The following SPIDR variants were observed in gnomAD, a reference collection of about 807,000 sequenced individuals.
SPIDR encodes scaffold protein involved in DNA repair.
Under a neutral mutation model 104.6 loss-of-function variants are expected in SPIDR, and 93 were observed. The observed-to-expected ratio is 0.89, with a 90% CI of 0.75 to 1.06. The LOEUF is 1.06. Among genes scored for constraint, SPIDR ranks in the 50% least tolerant of loss-of-function variants. The pLI is 0.00. For synonymous variants in SPIDR, 431 were observed against 416.9 expected (o/e 1.03, Z -0.41); for missense variants, 1,154 against 1,111.2 (o/e 1.04, Z -0.55).
intron 8 of SPIDR, among the ~76,000 whole-genome samples, chr8:47,444,859 A>G (rs1326121277): frequency 1.3e-5 from 2 of 152,150 alleles, no homozygotes; most frequent in Non-Finnish European, 2.9e-5. Flanking sequence ...AACACTTTCC[A>G]TATTCTCAGG....
chr8:47,334,625 A>G (rs1290709946), intron 5 of SPIDR, among the ~76,000 whole-genome samples: 2 of 152,050 alleles, frequency 1.3e-5, no homozygotes, highest in African/African-American at 2.4e-5. Flanking sequence ...TCTTCAATCC[A>G]TTTACTTTTA....
chr8:47,376,975 C>T lies in SPIDR; in HGVS notation c.526-19401C>T, dbSNP rs575752335. Reference sequence around the variant, plus strand: ...TAGTTCATGTGTTATCTCTGGCTGCCGTCGCATTACAGTGGCAAGGTTGGG... The same window carrying T: ...TAGTTCATGTGTTATCTCTGGCTGCTGTCGCATTACAGTGGCAAGGTTGGG... On this transcript the variant is annotated intron_variant, in intron 5 of 19. Transcript: ENST00000297423. 5.9e-5 allele frequency among the ~76,000 whole-genome samples: 9 copies of T among 152,156 alleles called. 2 individuals carry two copies. In the South Asian group the frequency reaches 1.5e-3, roughly 25 times the overall value.
At chr8:47,589,022 G>GTTT (rs1168001066) in intron 8 of SPIDR, among the ~76,000 whole-genome samples, 240 of 89,022 alleles carry the variant, frequency 2.7e-3, no homozygotes, top group Non-Finnish European at 3.8e-3. Flanking sequence ...TTTATAGTTT[G>GTTT]TTTTTTTTTT....
chr8:47,346,372 A>G (rs1226241149), intron 5 of SPIDR, among the ~76,000 whole-genome samples: 2 of 152,160 alleles, frequency 1.3e-5, no homozygotes, highest in Admixed American at 6.6e-5. Context: ...CAGTTTGCCA[A>G]TATTTAATTG....
At chr8:47,465,386 A>T (rs2074602813) in intron 8 of SPIDR, among the ~76,000 whole-genome samples, 1 of 152,230 alleles carries the variant, frequency 6.6e-6, no homozygotes, top group Admixed American at 6.5e-5. Context: ...GAATGGAAAT[A>T]GGCTAAGTGC....
intron 8 of SPIDR, among the ~76,000 whole-genome samples, chr8:47,443,100 G>A (rs2069770450): frequency 6.6e-6 from 1 of 152,056 alleles, no homozygotes; most frequent in African/African-American, 2.4e-5. Flanking sequence ...ATATGACCAA[G>A]AATTTCTAAA....
At chr8:47,642,206 G>A (rs148733787) in intron 10 of SPIDR, among the ~76,000 whole-genome samples, 5,254 of 151,982 alleles carry the variant, frequency 0.035, 146 homozygotes, top group Middle Eastern at 0.068. Flanking sequence ...GGCGGATCAC[G>A]AAGTAAGGAG....
intron 5 of SPIDR, among the ~76,000 whole-genome samples, chr8:47,346,042 A>T (rs1385542449): frequency 2.6e-5 from 4 of 152,204 alleles, no homozygotes; most frequent in African/African-American, 4.8e-5. Flanking sequence ...GTCTTGTGCC[A>T]GTTTTCAAAG....
At chr8:47,629,708 C>A (rs746306603) in intron 10 of SPIDR, among the ~76,000 whole-genome samples, 3 of 152,210 alleles carry the variant, frequency 2.0e-5, no homozygotes, top group Non-Finnish European at 4.4e-5. Context: ...GAGCCGAGAT[C>A]GTGCTACTGC....
chr8:47,589,610 G>A (rs2060748786), intron 8 of SPIDR, among the ~76,000 whole-genome samples: 2 of 152,026 alleles, frequency 1.3e-5, no homozygotes, highest in South Asian at 4.1e-4. Flanking sequence ...ATGAGTTGTG[G>A]TAGTTATTTT....
chr8:47,532,405 A>G (rs1279711714), intron 8 of SPIDR, among the ~76,000 whole-genome samples: 1 of 152,236 alleles, frequency 6.6e-6, no homozygotes, highest in African/African-American at 2.4e-5. Context: ...CTCAACTACA[A>G]GTTGCCTATA....
intron 5 of SPIDR, among the ~76,000 whole-genome samples, chr8:47,385,092 A>T (rs1267406433): frequency 1.3e-5 from 2 of 152,160 alleles, no homozygotes; most frequent in Non-Finnish European, 1.5e-5. Flanking sequence ...TAAAAAATAC[A>T]TACTTATGGA....
At position 47,309,435 on chromosome 8, in the gene SPIDR, T is replaced by C. The variant is rs587611544; in HGVS notation, c.525+15405T>C. Among the ~76,000 whole-genome samples, 13 of 152,308 alleles carry C rather than the reference T, an allele frequency of 8.5e-5. No homozygotes were observed. In the Middle Eastern group the frequency reaches 0.01, roughly 120 times the overall value. On this transcript the variant is annotated intron_variant, in intron 5 of 19. Coordinates refer to ENST00000297423, the MANE Select transcript of SPIDR (RefSeq NM_001080394.4). ...CTTTTATTCTCTTTATGAAAGTGAGTAACTGTAGGTACCAATATCAATTGT... is the reference window on the plus strand; with the variant it reads ...CTTTTATTCTCTTTATGAAAGTGAGCAACTGTAGGTACCAATATCAATTGT...
At chr8:47,509,276 G>A (rs2081965775) in intron 8 of SPIDR, among the ~76,000 whole-genome samples, 1 of 152,228 alleles carries the variant, frequency 6.6e-6, no homozygotes, top group South Asian at 2.1e-4. Flanking sequence ...AAATCCGGAA[G>A]CCCTTGAGGC....
intron 8 of SPIDR, chr8:47,592,318 G>A (rs1350314490): frequency 8.9e-7 from 1 of 1,120,360 alleles, no homozygotes; most frequent in African/African-American, 1.5e-5. Flanking sequence ...CAGTGCTGGG[G>A]ACCAGTTACC....
At chr8:47,437,914 A>T (rs72646330) in intron 7 of SPIDR, among the ~76,000 whole-genome samples, 22,144 of 152,222 alleles carry the variant, frequency 0.15, 2,275 homozygotes, top group African/African-American at 0.27. Flanking sequence ...ACTCTAAATC[A>T]TGCTGCTATA....
At chr8:47,372,258 G>T (rs1193910151) in intron 5 of SPIDR, among the ~76,000 whole-genome samples, 10 of 152,166 alleles carry the variant, frequency 6.6e-5, no homozygotes, top group Admixed American at 5.9e-4. Context: ...ACATTGTCAG[G>T]CTCATAGTAA....
chr8:47,356,298 A>C (rs1403549553), intron 5 of SPIDR, among the ~76,000 whole-genome samples: 2 of 152,068 alleles, frequency 1.3e-5, no homozygotes, highest in Non-Finnish European at 2.9e-5. Flanking sequence ...TTTACTCCTG[A>C]AATGAAGGTG....
At chr8:47,647,651 A>AGAGAGAGAGAGAGAGAGAGAGG (rs1563416092) in intron 10 of SPIDR, among the ~76,000 whole-genome samples, 9 of 122,058 alleles carry the variant, frequency 7.4e-5, no homozygotes, top group Non-Finnish European at 9.3e-5. Context: ...AGAGAGAGAG[A>AGAGAGAGAGAGAGAGAGAGAGG]GAGGGAGAGA....
Sources: gnomAD v4.1 joint callset for allele counts (sites outside exome capture counted in the v4.1 genomes callset) on GRCh38, gnomAD v4.1.1 for gene constraint, MANE v1.5 for transcripts, NCBI Gene and HGNC (gene_info 2026-07-23, HGNC 2026-07-21) for gene names.